Variants in MIPOL1 observed in about 807,000 individuals in gnomAD.
MIPOL1 encodes the protein mirror-image polydactyly 1.
Under a neutral mutation model 60.9 loss-of-function variants are expected in MIPOL1, and 57 were observed. That is an observed-to-expected ratio of 0.94 (90% CI 0.76 to 1.17). The LOEUF is 1.17. MIPOL1 is among the 50% of genes most tolerant of loss of function. The probability of loss-of-function intolerance (pLI) is 0.00; values close to 1 mark genes in which losing one functional copy is unlikely to be tolerated. For missense variants in MIPOL1, 551 were observed against 511.6 expected (o/e 1.08, Z -0.74); for synonymous variants, 179 against 168.8 (o/e 1.06, Z -0.47).
intron 7 of MIPOL1, among the ~76,000 whole-genome samples, chr14:37,303,235 CAAAGACT>C (rs2086474877): frequency 1.3e-5 from 2 of 151,818 alleles, no homozygotes; most frequent in Non-Finnish European, 2.9e-5. Flanking sequence ...ACTACTTGGC[CAAAGACT>C]CAAAGTCAGT....
At chr14:37,255,287 AT>A (rs762550253) in intron 3 of MIPOL1, among the ~76,000 whole-genome samples, 14 of 151,782 alleles carry the variant, frequency 9.2e-5, no homozygotes, top group Non-Finnish European at 1.9e-4. Context: ...CATTTTGTTG[AT>A]TTAGGAGACC....
intron 9 of MIPOL1, among the ~76,000 whole-genome samples, chr14:37,362,883 C>T (rs1480426454): frequency 1.3e-5 from 2 of 152,282 alleles, no homozygotes; most frequent in Non-Finnish European, 2.9e-5. Context: ...GATACCCTTT[C>T]TTCCACTTGA....
chr14:37,499,756 A>C (rs996102196), intron 11 of MIPOL1, 152 bp from the exon 12 acceptor site: 6 of 463,650 alleles, frequency 1.3e-5, no homozygotes, highest in African/African-American at 1.2e-4. Flanking sequence ...TATCAATTAT[A>C]ATGTTGTGAC....
chr14:37,288,921 C>A (rs1458763235), intron 7 of MIPOL1, among the ~76,000 whole-genome samples: 1 of 152,122 alleles, frequency 6.6e-6, no homozygotes, highest in Non-Finnish European at 1.5e-5. Context: ...GATAAAAGTT[C>A]TTTTCTCATA....
At chr14:37,535,786 C>T (rs2095503623) in intron 12 of MIPOL1, among the ~76,000 whole-genome samples, 1 of 152,128 alleles carries the variant, frequency 6.6e-6, no homozygotes, top group Non-Finnish European at 1.5e-5. Flanking sequence ...AATGACAGTG[C>T]TTTGTATAAT....
At chr14:37,410,851 G>GAA (rs1299089290) in intron 10 of MIPOL1, among the ~76,000 whole-genome samples, 1 of 151,964 alleles carries the variant, frequency 6.6e-6, no homozygotes, top group Non-Finnish European at 1.5e-5. Flanking sequence ...TAAATAGGGG[G>GAA]AAATGGGATG....
intron 1 of MIPOL1, among the ~76,000 whole-genome samples, chr14:37,223,103 G>A (rs2139554580): frequency 6.6e-6 from 1 of 152,256 alleles, no homozygotes; most frequent in African/African-American, 2.4e-5. Context: ...TGTGATCTCA[G>A]CTTACCGCAA....
Position 37,546,987 on chromosome 14 carries a change from A to C in MIPOL1, c.*16A>C. Reference sequence around the variant, plus strand: ...AGTGATCTGATTGAAAAAAAACGACAGTCTGGGGAAGCGATCACATCTGGT... The same window carrying C: ...AGTGATCTGATTGAAAAAAAACGACCGTCTGGGGAAGCGATCACATCTGGT... On this transcript the variant is annotated 3_prime_UTR_variant, in exon 13 of 13. Coordinates refer to ENST00000684589, the MANE Select transcript of MIPOL1 (RefSeq NM_001388067.1). 1 of 1,610,572 alleles carries C rather than the reference A, an allele frequency of 6.2e-7. No individual in the cohort carries two copies. Among genetic ancestry groups the C allele is most frequent in the Non-Finnish European group, 8.5e-7 (1 of 1,177,076 alleles).
Position 37,301,233 on chromosome 14 carries a change from A to T in MIPOL1, c.624-6823A>T, listed in dbSNP as rs1445874250. 1.2e-3 allele frequency among the ~76,000 whole-genome samples: 19 copies of T among 15,432 alleles called. 9 individuals carry two copies. The highest frequency in any genetic ancestry group is 1.6e-3 in the African/African-American group (19 of 12,228). 10.1% of individuals were successfully genotyped at this position (15,432 alleles called of 152,430 possible). The stretch of plus-strand genomic sequence containing the variant: ...CATCTATCCGTTTGTATCTATATCA[A>T]GCTAAACATGAGTTCACACTGATGT... On this transcript the variant is annotated intron_variant, in intron 7 of 12. Coordinates refer to ENST00000684589, the MANE Select transcript of MIPOL1 (RefSeq NM_001388067.1).
chr14:37,516,478 CATAGG>C (rs2095370205), intron 12 of MIPOL1, among the ~76,000 whole-genome samples: 1 of 152,118 alleles, frequency 6.6e-6, no homozygotes, highest in Non-Finnish European at 1.5e-5. Flanking sequence ...AAGTATACTT[CATAGG>C]ATAAATATAT....
At chr14:37,404,625 T>A (rs192358896) in intron 10 of MIPOL1, among the ~76,000 whole-genome samples, 363 of 152,312 alleles carry the variant, frequency 2.4e-3, no homozygotes, top group African/African-American at 8.3e-3. Context: ...CTCTAATATA[T>A]CACCGTTACT....
chr14:37,550,495 C>CATATATATATATATATATATAT lies in MIPOL1; in HGVS notation c.*3543_*3544insTATATATATATATATATATATA, dbSNP rs3062723. On this transcript the variant is annotated 3_prime_UTR_variant, in exon 13 of 13. Transcript: ENST00000684589. ...AGCTAACCTATCTATTCATATTTTA[C>CATATATATATATATATATATAT]ATATATATATATATATATACATGCA... 108 of 145,742 alleles carry CATATATATATATATATATATAT rather than the reference C, an allele frequency of 7.4e-4. 1 individual carries two copies. The highest frequency in any genetic ancestry group is 2.7e-3 in the African/African-American group (106 of 39,698). The allele number at this position is 145,742 out of a possible 1,614,324, so 9.0% of individuals were successfully genotyped here. A position where few individuals can be genotyped will look rare whatever the true frequency, so the allele number is the denominator to read the frequency against.
intron 9 of MIPOL1, among the ~76,000 whole-genome samples, chr14:37,365,333 T>C (rs1282252929): frequency 7.9e-5 from 12 of 152,174 alleles, no homozygotes; most frequent in Admixed American, 7.9e-4. Flanking sequence ...AGTATGATGT[T>C]TGTTGTGGGT....
At chr14:37,296,218 A>G (rs1238765399) in intron 7 of MIPOL1, among the ~76,000 whole-genome samples, 1 of 152,228 alleles carries the variant, frequency 6.6e-6, no homozygotes, top group East Asian at 1.9e-4. Flanking sequence ...GGTACATAAC[A>G]AAATGAAGGC....
chr14:37,339,249 A>G (rs1434264460), intron 9 of MIPOL1, among the ~76,000 whole-genome samples: 2 of 152,244 alleles, frequency 1.3e-5, no homozygotes, highest in African/African-American at 4.8e-5. Context: ...ATAAATTTAA[A>G]TATGCTACTA....
At chr14:37,258,243 A>C (rs1048909409) in intron 3 of MIPOL1, among the ~76,000 whole-genome samples, 1 of 152,090 alleles carries the variant, frequency 6.6e-6, no homozygotes, top group Non-Finnish European at 1.5e-5. Flanking sequence ...TTTCCTCTTT[A>C]TTATTGGAAA....
intron 10 of MIPOL1, among the ~76,000 whole-genome samples, chr14:37,372,898 T>G (rs2092679712): frequency 1.1e-4 from 1 of 9,500 alleles, no homozygotes; most frequent in Non-Finnish European, 4.5e-4. Context: ...TTCTGAAAGT[T>G]ACTTTTTTTT....
intron 12 of MIPOL1, among the ~76,000 whole-genome samples, chr14:37,536,247 A>G (rs1036918869): frequency 6.6e-6 from 1 of 152,142 alleles, no homozygotes; most frequent in Non-Finnish European, 1.5e-5. Flanking sequence ...CTTTTCTAAG[A>G]TACGTGTATA....
At chr14:37,423,488 A>C (rs2093911002) in intron 11 of MIPOL1, 1 of 151,894 alleles carries the variant, frequency 6.6e-6, no homozygotes, top group Non-Finnish European at 1.5e-5. Flanking sequence ...AAATGTCAGA[A>C]TGCATCTCTT....
Sources: gnomAD v4.1 joint callset for allele counts (sites outside exome capture counted in the v4.1 genomes callset) on GRCh38, gnomAD v4.1.1 for gene constraint, MANE v1.5 for transcripts, NCBI Gene and HGNC (gene_info 2026-07-23, HGNC 2026-07-21) for gene names.